Variants in SYN1 observed in about 807,000 individuals in gnomAD.
SYN1 encodes the protein synapsin-1.
Under a neutral mutation model 44.6 loss-of-function variants are expected in SYN1, and 8 were observed. That is an observed-to-expected ratio of 0.18 (90% CI 0.11 to 0.32). The LOEUF (loss-of-function observed/expected upper bound fraction) is 0.32. SYN1 is among the 10% of genes least tolerant of loss of function. SYN1 has a pLI of 1.00. For missense variants in SYN1, 451 were observed against 639.4 expected, an observed-to-expected ratio of 0.71 and a Z score of 3.18; for synonymous variants, 275 against 280.1, an observed-to-expected ratio of 0.98 and a Z score of 0.18.
At chrX:47,591,644 T>G (rs1439352806) in intron 5 of SYN1, among the ~76,000 whole-genome samples, 1 of 107,611 alleles carries the variant, frequency 9.3e-6, no homozygotes, top group Non-Finnish European at 1.9e-5. Flanking sequence ...TTGCTTGAAC[T>G]CAGGAGGCGG....
chrX:47,576,245 A>G lies in SYN1; in HGVS notation c.1056-12T>C, dbSNP rs746868410. The G allele has an allele frequency of 8.3e-7, 1 of 1,198,040 alleles. No individual in the cohort carries two copies. Among genetic ancestry groups the G allele is most frequent in the Admixed American group, 2.3e-5 (1 of 44,396 alleles). ...CCCACAGCTTGTATCTGCCAAGACA[A>G]AGGGTGGGGAAGCCTGTCAGTCTCT... On this transcript the variant is annotated splice_polypyrimidine_tract_variant and intron_variant, in intron 8 of 12. Coordinates refer to ENST00000295987, the MANE Select transcript of SYN1 (RefSeq NM_006950.3).
intron 5 of SYN1, among the ~76,000 whole-genome samples, chrX:47,603,026 TAGC>T (rs1392850042): frequency 1.8e-5 from 2 of 111,349 alleles, no homozygotes; most frequent in Non-Finnish European, 3.8e-5. Context: ...TTTTTTATAA[TAGC>T]AGTTAGAATG....
chrX:47,618,548 T>A (rs985254222), intron 1 of SYN1, among the ~76,000 whole-genome samples: 2 of 111,301 alleles, frequency 1.8e-5, no homozygotes, highest in Non-Finnish European at 3.8e-5. Context: ...CTCATGGAAC[T>A]CACTGGAGGA....
intron 5 of SYN1, chrX:47,586,916 G>A (rs1483509805): frequency 4.7e-6 from 2 of 421,381 alleles, no homozygotes; most frequent in African/African-American, 2.5e-5. Flanking sequence ...AAATTCTGAT[G>A]TACTGGTAGT....
chrX:47,574,338 G>A lies in SYN1; in HGVS notation c.1646C>T (p.Pro549Leu). 9.5e-7 allele frequency: 1 copy of A among 1,048,110 alleles called. No homozygotes were observed. Among genetic ancestry groups the A allele is most frequent in the Non-Finnish European group, 1.2e-6 (1 of 821,475 alleles). The allele number at this position is 1,048,110 out of a possible 1,213,427, so 86.4% of individuals were successfully genotyped here. The change falls in exon 12 of 13, where the codon CCC becomes CTC. Residue 549 changes from proline (P) to leucine (L), a missense_variant. This residue lies in a region of SYN1 where 127 missense variants were observed against 154.8 expected (regional missense o/e 0.82). Coordinates refer to ENST00000295987, the MANE Select transcript of SYN1 (RefSeq NM_006950.3). ...GPGAPPAARP[P>L]ASPSPQRQAG... ...CTGGCGCTGGGGAGACGGAGAGGCG[G>A]GCGGGCGGGCTGCTGGAGGCGCCCC...
rs769716254 is a variant in SYN1, at chrX:47,586,396, T to G, written c.775-8895A>C. 6 of 1,097,232 alleles carry G rather than the reference T, an allele frequency of 5.5e-6. No homozygotes were observed. In the African/African-American group the frequency reaches 1.1e-4, roughly 20 times the overall value. The allele number at this position is 1,097,232 out of a possible 1,213,427, so 90.4% of individuals were successfully genotyped here. A position where few individuals can be genotyped will look rare whatever the true frequency, so the allele number is the denominator to read the frequency against. ...CAATGGGAGGGGCTGTCCTGGGGTA[T>G]GTACTTAGGTGGGGTGAGAGCAAGT... On this transcript the variant is annotated intron_variant, in intron 5 of 12. Coordinates refer to ENST00000295987, the MANE Select transcript of SYN1 (RefSeq NM_006950.3).
intron 1 of SYN1, among the ~76,000 whole-genome samples, chrX:47,611,240 C>G (rs1478033414): frequency 8.9e-6 from 1 of 111,912 alleles, no homozygotes; most frequent in Non-Finnish European, 1.9e-5. Context: ...TTGTGTGCAT[C>G]CTATGGGTGA....
At chrX:47,602,555 T>G (rs1488668641) in intron 5 of SYN1, among the ~76,000 whole-genome samples, 1 of 110,533 alleles carries the variant, frequency 9.0e-6, no homozygotes, top group Admixed American at 9.6e-5. Context: ...GTCAGGAGAT[T>G]CGCTTGAACC....
At chrX:47,607,829 C>T (rs776801012) in intron 1 of SYN1, among the ~76,000 whole-genome samples, 7 of 110,094 alleles carry the variant, frequency 6.4e-5, no homozygotes, top group South Asian at 3.8e-4. Flanking sequence ...GTCAAGAGTT[C>T]GAGACCAGCC....
intron 5 of SYN1, among the ~76,000 whole-genome samples, chrX:47,602,615 C>T (rs1350046454): frequency 2.7e-5 from 3 of 109,487 alleles, no homozygotes; most frequent in African/African-American, 1.0e-4. Context: ...GCACTCCAGC[C>T]TGGCGACAGA....
chrX:47,596,352 C>T (rs1160842127), intron 5 of SYN1, among the ~76,000 whole-genome samples: 3 of 112,650 alleles, frequency 2.7e-5, no homozygotes, highest in African/African-American at 9.7e-5. Flanking sequence ...TATCCATTAT[C>T]AGTCCATTAT....
intron 5 of SYN1, among the ~76,000 whole-genome samples, chrX:47,584,014 G>A (rs2057811532): frequency 9.0e-6 from 1 of 111,686 alleles, no homozygotes; most frequent in South Asian, 3.7e-4. Flanking sequence ...GCATGGGCCA[G>A]TGGGAATGTG....
rs992542097 is a variant in SYN1 at position 47,574,014 on chromosome X, T to G, written c.1970A>C (p.His657Pro). Residue 657 changes from histidine (H) to proline (P), a missense_variant, in exon 12 of 13, where the codon CAC (histidine) becomes CCC (proline). By Grantham distance (77) the His-to-Pro change is moderately conservative. This residue lies in a region of SYN1 where 127 missense variants were observed against 154.8 expected (regional missense o/e 0.82). Transcript: ENST00000295987. ...GGGGTCCCCTTACTTGAGCTGGGGGTGCGGAGGTCCCCCTGCAGCGGCGGT... is the reference window on the plus strand; with the variant it reads ...GGGGTCCCCTTACTTGAGCTGGGGGGGCGGAGGTCCCCCTGCAGCGGCGGT... ...PATAAAGGPP[H>P]PQLNKSQSLT... 4.4e-6 allele frequency: 5 copies of G among 1,142,096 alleles called. No individual in the cohort carries two copies. The highest frequency in any genetic ancestry group is 5.8e-6 in the Non-Finnish European group (5 of 866,175). The allele number at this position is 1,142,096 out of a possible 1,213,427, so 94.1% of individuals were successfully genotyped here.
chrX:47,604,892 G>A (rs1198115708), intron 5 of SYN1, 86 bp downstream of exon 5: 11 of 900,526 alleles, frequency 1.2e-5, no homozygotes, highest in Middle Eastern at 3.0e-4. Flanking sequence ...TCTTGATATC[G>A]CACTGCTGAT....
At position 47,617,842 on chromosome X, in the gene SYN1, G is replaced by A. The variant is rs142556229; in HGVS notation, c.377+1510C>T. Among the ~76,000 whole-genome samples the A allele has an allele frequency of 3.6e-3, 405 of 111,858 alleles. 2 individuals are homozygous for A. Among genetic ancestry groups the A allele is most frequent in the African/African-American group, 0.013 (394 of 30,718 alleles). On this transcript the variant is annotated intron_variant, in intron 1 of 12. Coordinates refer to ENST00000295987, the MANE Select transcript of SYN1 (RefSeq NM_006950.3). ...GGAGGATGATTAAAATGGAGCACATGACAGACAAGGAATAAATGCTCACTG... is the reference window on the plus strand; with the variant it reads ...GGAGGATGATTAAAATGGAGCACATAACAGACAAGGAATAAATGCTCACTG...
chrX:47,581,277 T>C (rs1341374445), intron 5 of SYN1, among the ~76,000 whole-genome samples: 1 of 112,315 alleles, frequency 8.9e-6, no homozygotes, highest in Non-Finnish European at 1.9e-5. Flanking sequence ...GTGGCTGCCA[T>C]CATCACTACA....
At chrX:47,607,738 A>C (rs1446109474) in intron 1 of SYN1, among the ~76,000 whole-genome samples, 1 of 107,450 alleles carries the variant, frequency 9.3e-6, no homozygotes, top group Admixed American at 1.0e-4. Context: ...AAAAAAAAAA[A>C]AAAAAAACAA....
In SYN1 at chrX:47,572,730, T is replaced by C; in HGVS notation, c.*134A>G. The C allele has an allele frequency of 6.2e-6, 6 of 972,043 alleles. No individual in the cohort carries two copies. The highest frequency in any genetic ancestry group is 8.6e-6 in the Non-Finnish European group (6 of 696,850). 80.1% of individuals were successfully genotyped at this position (972,043 alleles called of 1,213,427 possible). A position where few individuals can be genotyped will look rare whatever the true frequency, so the allele number is the denominator to read the frequency against. ...GGTTTCTCAAGGTACTCGGGGATCT[T>C]GAGGAATGAGAGGTGGAATCTTGGA... On this transcript the variant is annotated 3_prime_UTR_variant, in exon 13 of 13. Transcript: ENST00000295987.
intron 1 of SYN1, among the ~76,000 whole-genome samples, chrX:47,618,629 C>T (rs1223337831): frequency 9.0e-6 from 1 of 111,071 alleles, no homozygotes; most frequent in African/African-American, 3.3e-5. Context: ...TTCCTAGATC[C>T]TTTGGAGAAA....
Sources: allele counts gnomAD v4.1 joint callset (sites outside exome capture counted in the v4.1 genomes callset), GRCh38; gene constraint gnomAD v4.1.1; regional missense constraint gnomAD v4.1.1; transcripts MANE v1.5; gene names NCBI Gene and HGNC (gene_info 2026-07-23, HGNC 2026-07-21).